The following KCND2 variants were observed in gnomAD, a reference collection of about 807,000 sequenced individuals.
KCND2 encodes the protein A-type voltage-gated potassium channel KCND2.
In KCND2, 16 loss-of-function variants were observed where a neutral mutation model predicts 54.4. The ratio of observed to expected loss-of-function variants is 0.29; its 90% CI spans 0.20 to 0.45. The LOEUF (loss-of-function observed/expected upper bound fraction) is 0.45. KCND2 is among the 20% of genes least tolerant of loss of function. The probability of loss-of-function intolerance (pLI) is 1.00; values close to 1 mark genes in which losing one functional copy is unlikely to be tolerated. For missense variants in KCND2, 486 were observed against 824.2 expected, an observed-to-expected ratio of 0.59 and a Z score of 5.02; for synonymous variants, 317 against 310.7, an observed-to-expected ratio of 1.02 and a Z score of -0.21.
chr7:120,601,386 CA>C (rs1288029607), intron 1 of KCND2, among the ~76,000 whole-genome samples: 3 of 152,034 alleles, frequency 2.0e-5, no homozygotes, highest in Non-Finnish European at 4.4e-5. Context: ...AAAGCCTGTT[CA>C]GAGGAAATAA....
At chr7:120,329,488 T>G (rs1800031030) in intron 1 of KCND2, among the ~76,000 whole-genome samples, 1 of 152,120 alleles carries the variant, frequency 6.6e-6, no homozygotes. Flanking sequence ...TCCCAAATGT[T>G]TATTCTGATG....
intron 1 of KCND2, among the ~76,000 whole-genome samples, chr7:120,438,555 A>C (rs1801902191): frequency 6.6e-6 from 1 of 152,214 alleles, no homozygotes; most frequent in South Asian, 2.1e-4. Flanking sequence ...GGGTGTAAAT[A>C]TCACCTTCAG....
At chr7:120,647,242 G>A (rs976863539) in intron 1 of KCND2, among the ~76,000 whole-genome samples, 17 of 152,162 alleles carry the variant, frequency 1.1e-4, no homozygotes, top group Admixed American at 3.3e-4. Context: ...AACCTTCAGC[G>A]CATAGAGTTT....
rs536029273 is a variant in KCND2, at chr7:120,629,456, A to G, written c.1116-103447A>G. On this transcript the variant is annotated intron_variant, in intron 1 of 5. Transcript: ENST00000331113. Reference sequence around the variant, plus strand: ...AGCCGAGATGGTGCCACTGCACTCCATCCTGGGCGACAGAGCGAGACTCCG... The same window carrying G: ...AGCCGAGATGGTGCCACTGCACTCCGTCCTGGGCGACAGAGCGAGACTCCG... Among the ~76,000 whole-genome samples, 783 of 152,194 alleles carry G rather than the reference A, an allele frequency of 5.1e-3. 7 individuals are homozygous for G. The highest frequency in any genetic ancestry group is 0.018 in the African/African-American group (748 of 41,526).
chr7:120,628,661 T>C (rs2116511253), intron 1 of KCND2, among the ~76,000 whole-genome samples: 2 of 152,316 alleles, frequency 1.3e-5, no homozygotes, highest in South Asian at 4.1e-4. Context: ...GCTAACTATG[T>C]CCCTAGGGTA....
Position 120,403,979 on chromosome 7 carries a change from AT to A in KCND2, c.1115+128241del, listed in dbSNP as rs999338887. The stretch of plus-strand genomic sequence containing the variant: ...ATTTTTATTGTGAAATACAAACATG[AT>A]TTTTTTTTCTGTAAAGCATATTCAT... On this transcript the variant is annotated intron_variant, in intron 1 of 5. Transcript: ENST00000331113. Among the ~76,000 whole-genome samples the A allele has an allele frequency of 1.0e-3, 156 of 151,598 alleles. 2 individuals carry two copies. Among genetic ancestry groups the A allele is most frequent in the African/African-American group, 3.7e-3 (152 of 41,352 alleles).
intron 1 of KCND2, among the ~76,000 whole-genome samples, chr7:120,723,589 A>G (rs1206259812): frequency 2.6e-5 from 4 of 152,166 alleles, no homozygotes; most frequent in Non-Finnish European, 4.4e-5. Flanking sequence ...ATGGTGGTGC[A>G]TGCCTATTGT....
chr7:120,403,645 G>A (rs1173045719), intron 1 of KCND2, among the ~76,000 whole-genome samples: 1 of 150,714 alleles, frequency 6.6e-6, no homozygotes, highest in Non-Finnish European at 1.5e-5. Flanking sequence ...TTTTTTTAAC[G>A]TAAGACTTAT....
At chr7:120,741,987 G>T (rs1792947471) in intron 3 of KCND2, among the ~76,000 whole-genome samples, 2 of 152,066 alleles carry the variant, frequency 1.3e-5, no homozygotes, top group Non-Finnish European at 2.9e-5. Flanking sequence ...TGGGTCAGGG[G>T]TTGGGGTGGG....
intron 1 of KCND2, among the ~76,000 whole-genome samples, chr7:120,306,059 T>G (rs112228960): frequency 0.032 from 4,897 of 152,184 alleles, 108 homozygotes; most frequent in Non-Finnish European, 0.047. Flanking sequence ...TAGCATAGAG[T>G]GGACATACAG....
At chr7:120,547,158 T>G (rs186878482) in intron 1 of KCND2, among the ~76,000 whole-genome samples, 1 of 152,152 alleles carries the variant, frequency 6.6e-6, no homozygotes, top group African/African-American at 2.4e-5. Context: ...TGTAATTGCT[T>G]ATATTTAAAT....
intron 1 of KCND2, among the ~76,000 whole-genome samples, chr7:120,551,415 A>T (rs1792103573): frequency 6.6e-6 from 1 of 152,178 alleles, no homozygotes; most frequent in Non-Finnish European, 1.5e-5. Flanking sequence ...TGTGCCAGAC[A>T]GTATCCTAGG....
At chr7:120,409,108 A>G (rs544010319) in intron 1 of KCND2, among the ~76,000 whole-genome samples, 1 of 152,040 alleles carries the variant, frequency 6.6e-6, no homozygotes, top group South Asian at 2.1e-4. Context: ...TATGTGATTT[A>G]TTCCAATTTG....
intron 1 of KCND2, among the ~76,000 whole-genome samples, chr7:120,418,383 T>C (rs901203506): frequency 2.0e-5 from 3 of 152,054 alleles, no homozygotes; most frequent in Non-Finnish European, 2.9e-5. Context: ...AAGAAGAAAT[T>C]ATTTTGAAAT....
intron 1 of KCND2, among the ~76,000 whole-genome samples, chr7:120,280,819 T>G (rs1799248696): frequency 6.6e-6 from 1 of 152,144 alleles, no homozygotes; most frequent in South Asian, 2.1e-4. Flanking sequence ...GTTATAATAA[T>G]TATCGGGACT....
In KCND2 at chr7:120,604,573, A is replaced by G. The variant is rs115330250; in HGVS notation, c.1116-128330A>G. Among the ~76,000 whole-genome samples the G allele has an allele frequency of 6.1e-3, 920 of 150,320 alleles. 10 individuals carry two copies. The highest frequency in any genetic ancestry group is 0.021 in the African/African-American group (851 of 41,142). The stretch of plus-strand genomic sequence containing the variant: ...ATAATATTACTAATTAAACTAAGGT[A>G]GTGTCTTTTCTTTAGAGAATCCAAT... On this transcript the variant is annotated intron_variant, in intron 1 of 5. Coordinates refer to ENST00000331113, the MANE Select transcript of KCND2 (RefSeq NM_012281.3).
intron 1 of KCND2, among the ~76,000 whole-genome samples, chr7:120,724,647 G>A (rs893793376): frequency 6.6e-6 from 1 of 152,088 alleles, no homozygotes; most frequent in African/African-American, 2.4e-5. Flanking sequence ...TTTTATGCAG[G>A]AGAATGACAT....
At chr7:120,727,004 A>G (rs1334572334) in intron 1 of KCND2, among the ~76,000 whole-genome samples, 1 of 152,168 alleles carries the variant, frequency 6.6e-6, no homozygotes, top group Non-Finnish European at 1.5e-5. Context: ...CAATTACATG[A>G]CTTTTGTTTT....
intron 1 of KCND2, among the ~76,000 whole-genome samples, chr7:120,532,511 G>T (rs1165680501): frequency 1.3e-5 from 2 of 151,784 alleles, no homozygotes; most frequent in African/African-American, 2.4e-5. Context: ...CACCAAGTCA[G>T]TTTTGACATA....
Sources: allele counts gnomAD v4.1 joint callset (sites outside exome capture counted in the v4.1 genomes callset), GRCh38; gene constraint gnomAD v4.1.1; transcripts MANE v1.5; gene names NCBI Gene and HGNC (gene_info 2026-07-23, HGNC 2026-07-21).